ULK4: variants seen among roughly 807,000 people sequenced by gnomAD.
ULK4 encodes the protein unc-51 like kinase 4.
In ULK4, 133 loss-of-function variants were observed where a neutral mutation model predicts 160.6. That is an observed-to-expected ratio of 0.83 (90% CI 0.72 to 0.96). The LOEUF (loss-of-function observed/expected upper bound fraction) is 0.96. Among genes scored for constraint, ULK4 ranks in the 40% least tolerant of loss-of-function variants. The pLI is 0.00. For missense variants in ULK4, 1,580 were observed against 1,499.5 expected, an observed-to-expected ratio of 1.05 and a Z score of -0.89; for synonymous variants, 534 against 539.8, an observed-to-expected ratio of 0.99 and a Z score of 0.15.
chr3:41,854,514 A>G lies in ULK4; in HGVS notation c.1657-18543T>C, dbSNP rs371175013. 2.0e-5 allele frequency among the ~76,000 whole-genome samples: 3 copies of G among 152,304 alleles called. No homozygotes were observed. In the South Asian group the frequency reaches 6.2e-4, roughly 32 times the overall value. On this transcript the variant is annotated intron_variant, in intron 17 of 36. Coordinates refer to ENST00000301831, the MANE Select transcript of ULK4 (RefSeq NM_017886.4). ...AGTCAAAGGGCAATGTGGTGATCAG[A>G]ATATTCTGACCCACAAGAATCAACG...
intron 20 of ULK4, among the ~76,000 whole-genome samples, chr3:41,797,434 G>A (rs1439422160): frequency 6.6e-6 from 1 of 152,094 alleles, no homozygotes; most frequent in Non-Finnish European, 1.5e-5. Context: ...GGTTTAATGA[G>A]GAAACACAGA....
Position 41,444,361 on chromosome 3 carries a change from T to TTCTCTCTCTC in ULK4, c.3492+11126_3492+11135dup, listed in dbSNP as rs56744200. 3.0e-3 allele frequency among the ~76,000 whole-genome samples: 443 copies of TTCTCTCTCTC among 146,652 alleles called. 9 individuals carry two copies. The highest frequency in any genetic ancestry group is 0.01 in the African/African-American group (402 of 39,434). On this transcript the variant is annotated intron_variant, in intron 34 of 36. Coordinates refer to ENST00000301831, the MANE Select transcript of ULK4 (RefSeq NM_017886.4). Reference sequence around the variant, plus strand: ...TCTCTTTCTAAATGATTTAAGTGACTTCTCTCTCTCTCTCTCTCTCTCTCT... The same window carrying TTCTCTCTCTC: ...TCTCTTTCTAAATGATTTAAGTGACTTCTCTCTCTCTCTCTCTCTCTCTCTCTCTCTCTCT...
chr3:41,647,545 C>A (rs527784927), intron 30 of ULK4, among the ~76,000 whole-genome samples: 11 of 152,308 alleles, frequency 7.2e-5, no homozygotes, highest in African/African-American at 2.6e-4. Context: ...TCTGATCATT[C>A]CTCTGGAAGT....
chr3:41,775,298 G>A (rs1345283559), intron 21 of ULK4, among the ~76,000 whole-genome samples: 1 of 150,228 alleles, frequency 6.7e-6, no homozygotes, highest in African/African-American at 2.5e-5. Context: ...GACAAAAAGT[G>A]TATCTTTAAA....
intron 21 of ULK4, among the ~76,000 whole-genome samples, chr3:41,769,946 G>C (rs891501486): frequency 6.6e-6 from 1 of 152,088 alleles, no homozygotes; most frequent in Non-Finnish European, 1.5e-5. Context: ...AAATCATGTA[G>C]ATAACCACAC....
At chr3:41,493,432 T>C (rs966460576) in intron 32 of ULK4, among the ~76,000 whole-genome samples, 4 of 132,120 alleles carry the variant, frequency 3.0e-5, no homozygotes, top group African/African-American at 1.1e-4. Flanking sequence ...CAAAGCAGTG[T>C]GTAGAGGGAA....
chr3:41,509,082 A>G (rs1359856941), intron 32 of ULK4, among the ~76,000 whole-genome samples: 2 of 152,070 alleles, frequency 1.3e-5, no homozygotes, highest in African/African-American at 2.4e-5. Flanking sequence ...ATGATACAGG[A>G]TATGAAAGGA....
At chr3:41,495,121 A>G (rs551362165) in intron 32 of ULK4, among the ~76,000 whole-genome samples, 11 of 152,340 alleles carry the variant, frequency 7.2e-5, no homozygotes, top group Non-Finnish European at 1.2e-4. Context: ...CTGCATCACC[A>G]AGTCAATGCT....
chr3:41,586,097 C>T (rs1008382321), intron 31 of ULK4, among the ~76,000 whole-genome samples: 4 of 151,988 alleles, frequency 2.6e-5, no homozygotes, highest in Non-Finnish European at 4.4e-5. Context: ...GGAGGTTACT[C>T]AAAACATTTA....
chr3:41,804,528 T>C (rs564101807), intron 19 of ULK4, among the ~76,000 whole-genome samples: 59 of 151,370 alleles, frequency 3.9e-4, no homozygotes, highest in African/African-American at 1.4e-3. Context: ...TGCCATTGCT[T>C]TTGGTGTTTT....
intron 31 of ULK4, among the ~76,000 whole-genome samples, chr3:41,606,143 C>A (rs2032373406): frequency 6.6e-6 from 1 of 151,806 alleles, no homozygotes; most frequent in Non-Finnish European, 1.5e-5. Flanking sequence ...TTTGAAAAAA[C>A]AGAGAAGTCT....
At chr3:41,719,391 T>C (rs532028661) in intron 22 of ULK4, among the ~76,000 whole-genome samples, 1 of 152,332 alleles carries the variant, frequency 6.6e-6, no homozygotes, top group Non-Finnish European at 1.5e-5. Flanking sequence ...TATATGCCAA[T>C]ATATTCAACT....
intron 35 of ULK4, chr3:41,258,545 G>A (rs2125674376): frequency 6.6e-6 from 1 of 152,264 alleles, no homozygotes; most frequent in African/African-American, 2.4e-5. Context: ...AGTTAGCCAA[G>A]ACAGGCTAAC....
intron 17 of ULK4, among the ~76,000 whole-genome samples, chr3:41,840,670 T>C (rs2041889570): frequency 6.6e-6 from 1 of 152,188 alleles, no homozygotes; most frequent in Admixed American, 6.5e-5. Context: ...TCTCGCTCAC[T>C]CAATGCTCAG....
intron 12 of ULK4, among the ~76,000 whole-genome samples, chr3:41,906,295 C>G (rs184094377): frequency 6.7e-6 from 1 of 149,488 alleles, no homozygotes; most frequent in Non-Finnish European, 1.5e-5. Flanking sequence ...GAGGCTGAGA[C>G]AGGAGCATCG....
chr3:41,838,154 G>C (rs899250403), intron 17 of ULK4, among the ~76,000 whole-genome samples: 4 of 152,122 alleles, frequency 2.6e-5, no homozygotes, highest in African/African-American at 9.7e-5. Context: ...CTCTAAAAGA[G>C]AAAGAAAATG....
rs566746700 is a variant in ULK4, at chr3:41,853,128, A to C, written c.1657-17157T>G. Among the ~76,000 whole-genome samples, 12 of 151,978 alleles carry C rather than the reference A, an allele frequency of 7.9e-5. No homozygotes were observed. In the South Asian group the frequency reaches 2.5e-3, roughly 32 times the overall value. ...TGGTTCTTAAATTTTAGGGTGCATCAGAATCACTGAAGAGTCTGTAAAAAC... is the reference window on the plus strand; with the variant it reads ...TGGTTCTTAAATTTTAGGGTGCATCCGAATCACTGAAGAGTCTGTAAAAAC... On this transcript the variant is annotated intron_variant, in intron 17 of 36. Coordinates refer to ENST00000301831, the MANE Select transcript of ULK4 (RefSeq NM_017886.4).
At position 41,896,931 on chromosome 3, in the gene ULK4, G is replaced by A. The variant is rs1266926849; in HGVS notation, c.1421C>T (p.Ser474Phe). The A allele has an allele frequency of 1.2e-6, 2 of 1,613,504 alleles. No individual in the cohort carries two copies. The highest frequency in any genetic ancestry group is 3.3e-5 in the Admixed American group (2 of 59,998). The change falls in exon 15 of 37, where the codon TCC becomes TTC. Residue 474 changes from serine (S) to phenylalanine (F), a missense_variant. Transcript: ENST00000301831. ...FLQQVCSQID[S>F]TEKSMGASRA... ...GGAGGCCCCCATGCTCTTCTCAGTG[G>A]AGTCGATCTGCGAGCACACTTGTTG...
intron 31 of ULK4, among the ~76,000 whole-genome samples, chr3:41,578,473 C>T (rs1308921659): frequency 1.3e-5 from 2 of 152,160 alleles, no homozygotes; most frequent in Non-Finnish European, 1.5e-5. Context: ...ATGACACACG[C>T]TATACCATCT....
Sources: gnomAD v4.1 joint callset for allele counts (sites outside exome capture counted in the v4.1 genomes callset) on GRCh38, gnomAD v4.1.1 for gene constraint, MANE v1.5 for transcripts, NCBI Gene and HGNC (gene_info 2026-07-23, HGNC 2026-07-21) for gene names.